DROSHA: variants seen among roughly 807,000 people sequenced by gnomAD.
The protein encoded by DROSHA is ribonuclease 3.
DROSHA carries 56 observed loss-of-function variants against 181.9 expected under a neutral mutation model. The observed-to-expected ratio is 0.31, with a 90% CI of 0.25 to 0.38. The LOEUF is 0.38. Ranked by LOEUF, DROSHA falls within the 10% of genes least tolerant of loss-of-function variation. DROSHA has a pLI of 1.00. For synonymous variants in DROSHA, 524 were observed against 591.2 expected (o/e 0.89, Z 1.65); for missense variants, 1,218 against 1,743.5 (o/e 0.70, Z 5.37).
chr5:31,507,091 G>A (rs916168993), intron 10 of DROSHA, among the ~76,000 whole-genome samples: 3 of 151,884 alleles, frequency 2.0e-5, no homozygotes, highest in African/African-American at 7.3e-5. Context: ...GAGGCAGGAG[G>A]ACTGCTTGAG....
chr5:31,400,892 T>C lies in DROSHA; in HGVS notation c.*540A>G, dbSNP rs575710597. On this transcript the variant is annotated 3_prime_UTR_variant, in exon 36 of 36. Transcript: ENST00000344624. ...CTTTCCCCTTCTCCCATTAGCCAATTAATTGTTAAACGGATTCCTTCTACA... is the reference window on the plus strand; with the variant it reads ...CTTTCCCCTTCTCCCATTAGCCAATCAATTGTTAAACGGATTCCTTCTACA... 26 of 158,012 alleles carry C rather than the reference T, an allele frequency of 1.6e-4. No homozygotes were observed. Among genetic ancestry groups the C allele is most frequent in the Non-Finnish European group, 3.3e-4 (24 of 72,024 alleles). The allele number at this position is 158,012 out of a possible 1,614,324, so 9.8% of individuals were successfully genotyped here. A position where few individuals can be genotyped will look rare whatever the true frequency, so the allele number is the denominator to read the frequency against.
chr5:31,435,202 C>T (rs555443794), intron 25 of DROSHA, among the ~76,000 whole-genome samples: 1 of 152,226 alleles, frequency 6.6e-6, no homozygotes, highest in East Asian at 1.9e-4. Flanking sequence ...CAAATCAGAT[C>T]ACATTTATCT....
chr5:31,425,189 C>T (rs1011467442), intron 27 of DROSHA, among the ~76,000 whole-genome samples: 1 of 151,904 alleles, frequency 6.6e-6, no homozygotes, highest in Non-Finnish European at 1.5e-5. Flanking sequence ...AAAAAAATTC[C>T]TTAAGAGGAA....
At position 31,514,027 on chromosome 5, in the gene DROSHA, T is replaced by A. The variant is rs62348741; in HGVS notation, c.1290+961A>T. ...CTGTCATGGCAATGAGCACGCCGGC[T>A]GTAGCACCACAGGCGCCCCGGCCCT... On this transcript the variant is annotated intron_variant, in intron 8 of 35. Coordinates refer to ENST00000344624, the MANE Select transcript of DROSHA (RefSeq NM_001382508.1). This position sits in a 1 kb window ranked among gnomAD's most constrained non-coding sequence, Gnocchi z 4.4. 0.36 allele frequency among the ~76,000 whole-genome samples: 54,683 copies of A among 151,770 alleles called. 12,159 individuals carry two copies. The highest frequency in any genetic ancestry group is 0.5 in the Non-Finnish European group (33,690 of 67,808).
chr5:31,445,543 C>T (rs76606512), intron 23 of DROSHA, among the ~76,000 whole-genome samples: 14,336 of 152,096 alleles, frequency 0.094, 1,447 homozygotes, highest in East Asian at 0.25. Context: ...TACAGACACA[C>T]AAATCTTAAG....
In DROSHA at chr5:31,504,541, C is replaced by T; in HGVS notation, c.1668+14G>A. The T allele has an allele frequency of 1.2e-6, 2 of 1,613,720 alleles. No homozygotes were observed. The highest frequency in any genetic ancestry group is 1.7e-6 in the Non-Finnish European group (2 of 1,179,760). The stretch of plus-strand genomic sequence containing the variant: ...TTCTCAGCATTTACAAACATAATAA[C>T]CCAAACCAGTTACCTCTTCTCCAGG... On this transcript the variant is annotated intron_variant, in intron 11 of 35. Transcript: ENST00000344624.
intron 30 of DROSHA, among the ~76,000 whole-genome samples, chr5:31,418,951 A>G (rs1360185961): frequency 6.6e-6 from 1 of 152,240 alleles, no homozygotes; most frequent in Non-Finnish European, 1.5e-5. Context: ...TTTAGAAGTC[A>G]TCTGCCGGTA....
At chr5:31,524,083 A>G (rs1740247863) in intron 5 of DROSHA, among the ~76,000 whole-genome samples, 1 of 152,100 alleles carries the variant, frequency 6.6e-6, no homozygotes, top group Non-Finnish European at 1.5e-5. Flanking sequence ...CATGCTGAAA[A>G]GATTTTTAAA....
chr5:31,484,711 C>G (rs1751536704), intron 15 of DROSHA, among the ~76,000 whole-genome samples, 170 bp downstream of exon 15: 1 of 152,132 alleles, frequency 6.6e-6, no homozygotes, highest in African/African-American at 2.4e-5. Context: ...TCCATAGAAA[C>G]TTATTCATGT....
At chr5:31,509,645 G>A (rs1036384540) in intron 9 of DROSHA, among the ~76,000 whole-genome samples, 1 of 152,214 alleles carries the variant, frequency 6.6e-6, no homozygotes, top group African/African-American at 2.4e-5. Context: ...TGCTGGGAAT[G>A]CCACAGCGAA....
intron 35 of DROSHA, 82 bp from the exon 36 acceptor site, chr5:31,401,644 CACAT>C: frequency 1.1e-6 from 1 of 933,304 alleles, no homozygotes; most frequent in Admixed American, 4.2e-5. Flanking sequence ...TAAACATATA[CACAT>C]ACAAATATAC....
intron 11 of DROSHA, among the ~76,000 whole-genome samples, chr5:31,501,648 G>A (rs1753582122): frequency 6.6e-6 from 1 of 151,020 alleles, no homozygotes; most frequent in Non-Finnish European, 1.5e-5. Context: ...ACTTAACCAA[G>A]CAGGAACTCT....
Position 31,401,255 on chromosome 5 carries a change from G to T in DROSHA, c.*177C>A. 1 of 835,026 alleles carries T rather than the reference G, an allele frequency of 1.2e-6. No homozygotes were observed. The highest frequency in any genetic ancestry group is 1.9e-6 in the Non-Finnish European group (1 of 527,572). The allele number at this position is 835,026 out of a possible 1,614,324, so 51.7% of individuals were successfully genotyped here. A position where few individuals can be genotyped will look rare whatever the true frequency, so the allele number is the denominator to read the frequency against. Reference sequence around the variant, plus strand: ...AAATAGAAGAAAAATCTAATACTTTGTAATAAAGACCATCCAGCTAAAAAC... The same window carrying T: ...AAATAGAAGAAAAATCTAATACTTTTTAATAAAGACCATCCAGCTAAAAAC... On this transcript the variant is annotated 3_prime_UTR_variant, in exon 36 of 36. Coordinates refer to ENST00000344624, the MANE Select transcript of DROSHA (RefSeq NM_001382508.1).
chr5:31,490,001 G>A (rs1246578231), intron 13 of DROSHA, among the ~76,000 whole-genome samples: 7 of 151,776 alleles, frequency 4.6e-5, no homozygotes, highest in African/African-American at 9.7e-5. Flanking sequence ...TCAGCCTCCC[G>A]AGTAGCTGGG....
Position 31,529,089 on chromosome 5 carries a change from CA to C in DROSHA, c.-31del, listed in dbSNP as rs779550656. ...TTCCGCCTGGATATGTCACATCTTC[CA>C]CAGAGAATATAAGCTCTAAAAAACA... On this transcript the variant is annotated 5_prime_UTR_variant, in exon 4 of 36. The change abolishes the stop of an existing upstream ORF in the 5' untranslated region. Coordinates refer to ENST00000344624, the MANE Select transcript of DROSHA (RefSeq NM_001382508.1). 4 of 1,611,484 alleles carry C rather than the reference CA, an allele frequency of 2.5e-6. No individual in the cohort carries two copies. The highest frequency in any genetic ancestry group is 3.4e-6 in the Non-Finnish European group (4 of 1,178,954).
intron 25 of DROSHA, among the ~76,000 whole-genome samples, chr5:31,432,213 C>T (rs1228403669): frequency 6.6e-6 from 1 of 151,686 alleles, no homozygotes; most frequent in Non-Finnish European, 1.5e-5. Flanking sequence ...CTTACTGCAA[C>T]CTCCAACTCT....
At chr5:31,449,942 G>C (rs1028753787) in intron 21 of DROSHA, among the ~76,000 whole-genome samples, 1 of 151,356 alleles carries the variant, frequency 6.6e-6, no homozygotes, top group African/African-American at 2.4e-5. Flanking sequence ...AATCTACAAG[G>C]AACTAAAACA....
chr5:31,451,447 A>C, intron 21 of DROSHA, 86 bp downstream of exon 21: 4 of 1,119,352 alleles, frequency 3.6e-6, no homozygotes, highest in Non-Finnish European at 3.9e-6. Context: ...ATCCCAGGAT[A>C]GAGAACCCAA....
Position 31,422,917 on chromosome 5 carries a change from G to A in DROSHA, c.3289C>T (p.Leu1097Phe). 6.2e-7 allele frequency: 1 copy of A among 1,608,930 alleles called. No homozygotes were observed. The highest frequency in any genetic ancestry group is 8.5e-7 in the Non-Finnish European group (1 of 1,177,728). The change falls in exon 29 of 36, where the codon CTT (leucine) becomes TTT (phenylalanine). Residue 1097 changes from leucine to phenylalanine, a missense_variant. By Grantham distance (22) the Leu-to-Phe change is conservative. This residue lies in a region of DROSHA where 71 missense variants were observed against 95.2 expected (regional missense o/e 0.75). Coordinates refer to ENST00000344624, the MANE Select transcript of DROSHA (RefSeq NM_001382508.1). The part of the protein sequence containing the change: ...QLQEPNTDRQ[L>F]IETSPVLQKL... ...TGTAGAACTGGAGAAGTTTCAATAA[G>A]TTGTCGATCAGTATTTGGCTCTTGT...
Sources: allele counts gnomAD v4.1 joint callset (sites outside exome capture counted in the v4.1 genomes callset), GRCh38; gene constraint gnomAD v4.1.1; regional missense constraint gnomAD v4.1.1; non-coding constraint Gnocchi (gnomAD v3.1); transcripts MANE v1.5; gene names NCBI Gene and HGNC (gene_info 2026-07-23, HGNC 2026-07-21).